SLC10A7: variants seen among roughly 807,000 people sequenced by gnomAD.
SLC10A7 encodes the protein sodium/bile acid cotransporter 7.
In SLC10A7, 29 loss-of-function variants were observed where a neutral mutation model predicts 43.2. The ratio of observed to expected loss-of-function variants is 0.67; its 90% CI spans 0.50 to 0.92. The LOEUF is 0.92. Ranked by LOEUF, SLC10A7 falls within the 40% of genes least tolerant of loss-of-function variation. The probability of loss-of-function intolerance (pLI) is 0.00; values close to 1 mark genes in which losing one functional copy is unlikely to be tolerated. For synonymous variants in SLC10A7, 152 were observed against 144.8 expected, an observed-to-expected ratio of 1.05 and a Z score of -0.35; for missense variants, 295 against 403.2, an observed-to-expected ratio of 0.73 and a Z score of 2.30.
At chr4:146,295,724 G>A (rs1352067) in intron 7 of SLC10A7, among the ~76,000 whole-genome samples, 2,572 of 152,144 alleles carry the variant, frequency 0.017, 69 homozygotes, top group East Asian at 0.086. Flanking sequence ...ATTGTGTTTG[G>A]TGGTACAAAA....
At position 146,399,854 on chromosome 4, in the gene SLC10A7, C is replaced by A. The variant is rs115123629; in HGVS notation, c.435+42929G>T. Among the ~76,000 whole-genome samples, 552 of 151,832 alleles carry A rather than the reference C, an allele frequency of 3.6e-3. 3 individuals carry two copies. Among genetic ancestry groups the A allele is most frequent in the African/African-American group, 0.013 (527 of 41,388 alleles). ...TTTAGATATCTAGGATGGAACATAA[C>A]GTAGGCATTTTGATGTATGAGTCCA... On this transcript the variant is annotated intron_variant, in intron 5 of 11. Transcript: ENST00000335472.
intron 5 of SLC10A7, among the ~76,000 whole-genome samples, chr4:146,349,627 G>C (rs138393142): frequency 6.6e-6 from 1 of 152,120 alleles, no homozygotes; most frequent in Non-Finnish European, 1.5e-5. Context: ...CATCAACAGT[G>C]GATTAGATAA....
chr4:146,513,246 A>G (rs1443753554), intron 2 of SLC10A7, among the ~76,000 whole-genome samples: 1 of 151,914 alleles, frequency 6.6e-6, no homozygotes, highest in Non-Finnish European at 1.5e-5. Flanking sequence ...TTGTTATACT[A>G]TATAAAGAAA....
rs1433563290 is a variant in SLC10A7 at position 146,280,521 on chromosome 4, GTTTATTAAAA to G, written c.847+2661_847+2670del. Among the ~76,000 whole-genome samples the G allele has an allele frequency of 1.9e-4, 29 of 152,122 alleles. No individual in the cohort carries two copies. The East Asian group carries it at 5.2e-3, about 27-fold the overall frequency. ...CCTTAAACTGCTTTAAAAATATAAA[GTTTATTAAAA>G]ATAAAAACAAACAAAAAAGAATTTC... On this transcript the variant is annotated intron_variant, in intron 10 of 11. Coordinates refer to ENST00000335472, the MANE Select transcript of SLC10A7 (RefSeq NM_001029998.6).
At chr4:146,384,782 G>A (rs1224471300) in intron 5 of SLC10A7, among the ~76,000 whole-genome samples, 1 of 152,014 alleles carries the variant, frequency 6.6e-6, no homozygotes, top group East Asian at 1.9e-4. Context: ...AGGTGCCTAG[G>A]TCATGAAGGA....
At chr4:146,313,169 T>C (rs1732094605) in intron 6 of SLC10A7, among the ~76,000 whole-genome samples, 1 of 152,090 alleles carries the variant, frequency 6.6e-6, no homozygotes, top group Non-Finnish European at 1.5e-5. Context: ...CCCTACCCGC[T>C]TAAGGAGCAC....
chr4:146,271,841 T>G (rs1728916647), intron 10 of SLC10A7, among the ~76,000 whole-genome samples: 1 of 152,158 alleles, frequency 6.6e-6, no homozygotes, highest in South Asian at 2.1e-4. Flanking sequence ...TTCCTTCTCC[T>G]TGGAATCTCC....
chr4:146,378,769 T>C (rs1215578146), intron 5 of SLC10A7, among the ~76,000 whole-genome samples: 6 of 152,200 alleles, frequency 3.9e-5, no homozygotes, highest in Non-Finnish European at 7.3e-5. Flanking sequence ...GAATTATTTA[T>C]ATTTGGTTTT....
chr4:146,327,252 T>A (rs1341780630), intron 5 of SLC10A7, among the ~76,000 whole-genome samples: 4 of 152,202 alleles, frequency 2.6e-5, no homozygotes, highest in African/African-American at 9.7e-5. Context: ...AATAATAGAA[T>A]GAACATTTTT....
intron 4 of SLC10A7, among the ~76,000 whole-genome samples, chr4:146,488,954 C>T (rs1735147652): frequency 6.6e-6 from 1 of 152,182 alleles, no homozygotes; most frequent in African/African-American, 2.4e-5. Flanking sequence ...CTGTGTCCCT[C>T]ATCTATGCCA....
intron 5 of SLC10A7, among the ~76,000 whole-genome samples, chr4:146,426,954 GAACA>G (rs1282394746): frequency 6.6e-6 from 1 of 152,196 alleles, no homozygotes. Flanking sequence ...GTAGAGAAAT[GAACA>G]GTCAGGGACA....
At chr4:146,471,182 C>A (rs907401602) in intron 4 of SLC10A7, among the ~76,000 whole-genome samples, 8 of 152,202 alleles carry the variant, frequency 5.3e-5, no homozygotes, top group Non-Finnish European at 8.8e-5. Flanking sequence ...CACCAGTGAG[C>A]ATTTTCTATG....
intron 2 of SLC10A7, among the ~76,000 whole-genome samples, chr4:146,512,452 G>A (rs540668399): frequency 6.6e-6 from 1 of 152,182 alleles, no homozygotes; most frequent in Non-Finnish European, 1.5e-5. Flanking sequence ...GATCATCACA[G>A]TGTTATCTAT....
In SLC10A7 at chr4:146,297,438, T is replaced by C. The variant is rs138165374; in HGVS notation, c.556-3343A>G. ...ATGACATGTCTTAGGTGTAGAATGTTGATTCACTGAGATAGATATAAAGTA... is the reference window on the plus strand; with the variant it reads ...ATGACATGTCTTAGGTGTAGAATGTCGATTCACTGAGATAGATATAAAGTA... On this transcript the variant is annotated intron_variant, in intron 7 of 11. Coordinates refer to ENST00000335472, the MANE Select transcript of SLC10A7 (RefSeq NM_001029998.6). Among the ~76,000 whole-genome samples the C allele has an allele frequency of 4.8e-3, 730 of 152,334 alleles. 2 individuals are homozygous for C. The highest frequency in any genetic ancestry group is 0.016 in the African/African-American group (678 of 41,588).
At chr4:146,452,378 T>C (rs984872088) in intron 4 of SLC10A7, among the ~76,000 whole-genome samples, 1 of 152,072 alleles carries the variant, frequency 6.6e-6, no homozygotes, top group African/African-American at 2.4e-5. Context: ...TCCCTAAGCA[T>C]AGATTCAGTT....
chr4:146,519,103 ATAT>A (rs1560991706), intron 1 of SLC10A7, among the ~76,000 whole-genome samples: 8 of 38,476 alleles, frequency 2.1e-4, no homozygotes, highest in African/African-American at 4.2e-4. Flanking sequence ...ATATATATAT[ATAT>A]ATATATAATA....
intron 5 of SLC10A7, among the ~76,000 whole-genome samples, chr4:146,361,029 T>C (rs1285575109): frequency 6.6e-6 from 1 of 152,132 alleles, no homozygotes; most frequent in Non-Finnish European, 1.5e-5. Flanking sequence ...CCTTTCCTCA[T>C]CTTTCAGGTA....
At chr4:146,284,818 AGGAGTT>A (rs1346486513) in intron 9 of SLC10A7, among the ~76,000 whole-genome samples, 1 of 152,188 alleles carries the variant, frequency 6.6e-6, no homozygotes, top group Admixed American at 6.5e-5. Flanking sequence ...CTAATGGGGA[AGGAGTT>A]CCATAAGGTT....
At chr4:146,474,802 T>C (rs1313310875) in intron 4 of SLC10A7, among the ~76,000 whole-genome samples, 1 of 152,164 alleles carries the variant, frequency 6.6e-6, no homozygotes, top group Non-Finnish European at 1.5e-5. Context: ...GAAAATCATG[T>C]GAAAGAAACA....
Sources: allele counts gnomAD v4.1 joint callset (sites outside exome capture counted in the v4.1 genomes callset), GRCh38; gene constraint gnomAD v4.1.1; transcripts MANE v1.5; gene names NCBI Gene and HGNC (gene_info 2026-07-23, HGNC 2026-07-21).